Variants in PIK3CB observed in about 807,000 individuals in gnomAD.
The protein encoded by PIK3CB is phosphatidylinositol-4,5-bisphosphate 3-kinase catalytic subunit beta.
Under a neutral mutation model 136.8 loss-of-function variants are expected in PIK3CB, and 39 were observed. That is an observed-to-expected ratio of 0.29 (90% CI 0.22 to 0.37). The LOEUF (loss-of-function observed/expected upper bound fraction) is 0.37. Among genes scored for constraint, PIK3CB ranks in the 10% least tolerant of loss-of-function variants. PIK3CB has a pLI of 1.00. For missense variants in PIK3CB, 868 were observed against 1,275.4 expected (o/e 0.68, Z 4.87); for synonymous variants, 428 against 436.6 (o/e 0.98, Z 0.25).
intron 6 of PIK3CB, among the ~76,000 whole-genome samples, chr3:138,737,120 G>A (rs1424874859): frequency 1.9e-4 from 29 of 152,026 alleles, no homozygotes; most frequent in Admixed American, 1.8e-3. Flanking sequence ...CGGGCACAGT[G>A]GCTTATGGCT....
intron 1 of PIK3CB, among the ~76,000 whole-genome samples, chr3:138,800,399 ACTGCAGC>A (rs1175114836): frequency 6.6e-6 from 1 of 151,002 alleles, no homozygotes; most frequent in African/African-American, 2.4e-5. Flanking sequence ...ATCATGGCTC[ACTGCAGC>A]CTTGACCTCC....
intron 4 of PIK3CB, among the ~76,000 whole-genome samples, chr3:138,754,145 G>A (rs1248044650): frequency 1.3e-5 from 2 of 151,800 alleles, no homozygotes; most frequent in Non-Finnish European, 2.9e-5. Context: ...CTTTTATAAT[G>A]GACAAAAATT....
intron 2 of PIK3CB, among the ~76,000 whole-genome samples, chr3:138,762,015 GGTGGGTGGATCACCT>G (rs2045669747): frequency 6.6e-6 from 1 of 151,572 alleles, no homozygotes. Context: ...GGGAGGCCGA[GGTGGGTGGATCACCT>G]GAGGTCAGGA....
intron 10 of PIK3CB, among the ~76,000 whole-genome samples, chr3:138,710,316 C>T (rs1412736323): frequency 1.3e-5 from 2 of 152,094 alleles, no homozygotes; most frequent in Admixed American, 6.6e-5. Flanking sequence ...CACACACACA[C>T]ACTATTAGAT....
At chr3:138,830,947 AT>A (rs1934004260) in intron 1 of PIK3CB, among the ~76,000 whole-genome samples, 3 of 145,782 alleles carry the variant, frequency 2.1e-5, no homozygotes, top group Non-Finnish European at 4.5e-5. Flanking sequence ...AATAATAATA[AT>A]AATAAAGCAG....
At chr3:138,784,509 C>T (rs1269776274) in intron 2 of PIK3CB, among the ~76,000 whole-genome samples, 5 of 152,156 alleles carry the variant, frequency 3.3e-5, no homozygotes, top group Non-Finnish European at 7.4e-5. Context: ...ACCACCATCT[C>T]GGCTCACTGC....
At chr3:138,711,226 A>AG (rs1491282155) in intron 10 of PIK3CB, among the ~76,000 whole-genome samples, 2 of 28,574 alleles carry the variant, frequency 7.0e-5, no homozygotes, top group Non-Finnish European at 6.7e-5. Context: ...AAAAAAAAAG[A>AG]AAAAAAAAAC....
At chr3:138,725,094 AGCCCAGACTTCACTTCTATGCAATATAT>A (rs1454516435) in intron 8 of PIK3CB, among the ~76,000 whole-genome samples, 16 of 152,274 alleles carry the variant, frequency 1.1e-4, no homozygotes, top group Non-Finnish European at 2.2e-4. Context: ...ATACACTAAA[AGCCCAGACTTCACTTCTATGCAATATAT>A]GCCCAGACTT....
intron 1 of PIK3CB, among the ~76,000 whole-genome samples, chr3:138,821,375 C>T (rs1228714600): frequency 1.3e-5 from 2 of 151,866 alleles, no homozygotes; most frequent in Admixed American, 6.6e-5. Flanking sequence ...GAGGCTGCGG[C>T]GGGTGGCTCA....
At chr3:138,658,800 A>G (rs1412837209) in intron 21 of PIK3CB, among the ~76,000 whole-genome samples, 3 of 152,194 alleles carry the variant, frequency 2.0e-5, no homozygotes, top group African/African-American at 7.2e-5. Context: ...CATTTAGCTT[A>G]GTGTTCTATG....
intron 2 of PIK3CB, among the ~76,000 whole-genome samples, chr3:138,789,273 C>T (rs907749438): frequency 1.3e-4 from 20 of 152,020 alleles, no homozygotes; most frequent in Non-Finnish European, 2.1e-4. Flanking sequence ...GCCTGGGCAA[C>T]GTGGCGAAAC....
At chr3:138,817,283 G>A (rs1933379614) in intron 1 of PIK3CB, among the ~76,000 whole-genome samples, 1 of 152,004 alleles carries the variant, frequency 6.6e-6, no homozygotes. Flanking sequence ...AGCCTGCAGT[G>A]AGCCGAGATC....
rs764217455 is a variant in PIK3CB, at chr3:138,755,885, T to A, written c.266A>T (p.Tyr89Phe). ...MFACVNQTAV[Y>F]EELEDETRRL... is the part of the protein sequence containing the mutation. ...TCGTGTTTCATCTTCAAGCTCCTCA[T>A]ATACAGCAGTCTGATTCACACATGC... The change falls in exon 4 of 24, where the codon TAT becomes TTT. Residue 89 changes from tyrosine to phenylalanine, a missense_variant. Physicochemically the swap from Tyr to Phe is conservative, Grantham distance 22. This residue lies in a region of PIK3CB where 612 missense variants were observed against 801.1 expected (regional missense o/e 0.76). Transcript: ENST00000674063. The A allele has an allele frequency of 4.3e-6, 7 of 1,611,574 alleles. 1 individual carries two copies. In the South Asian group the frequency reaches 7.7e-5, roughly 18 times the overall value.
Position 138,688,857 on chromosome 3 carries a change from A to C in PIK3CB, c.2136+18T>G, listed in dbSNP as rs1559815791. On this transcript the variant is annotated intron_variant, in intron 16 of 23. Transcript: ENST00000674063. ...CTGTCAAAAAAAGAAAAAATGAATA[A>C]ATAAAACAAGCTGATACCTGCTTAG... is the stretch of plus-strand genomic sequence containing the variant. 1 of 1,535,276 alleles carries C rather than the reference A, an allele frequency of 6.5e-7. No individual in the cohort carries two copies.
intron 2 of PIK3CB, among the ~76,000 whole-genome samples, chr3:138,773,032 C>CCTG (rs1371435807): frequency 6.6e-6 from 1 of 151,880 alleles, no homozygotes; most frequent in Non-Finnish European, 1.5e-5. Context: ...AAGAGATCCA[C>CCTG]CTGCCTTGGC....
chr3:138,660,432 G>A (rs1007511742), intron 21 of PIK3CB, among the ~76,000 whole-genome samples: 1 of 152,028 alleles, frequency 6.6e-6, no homozygotes, highest in African/African-American at 2.4e-5. Context: ...TCTGTTTACT[G>A]CAGTTACCCT....
At chr3:138,771,115 C>T (rs1022200172) in intron 2 of PIK3CB, among the ~76,000 whole-genome samples, 3 of 152,090 alleles carry the variant, frequency 2.0e-5, no homozygotes, top group Non-Finnish European at 4.4e-5. Context: ...TCCCTACCCC[C>T]GACGTTGCTC....
In PIK3CB at chr3:138,663,944, T is replaced by G; in HGVS notation, c.2758A>C (p.Arg920=). The G allele has an allele frequency of 1.2e-6, 2 of 1,614,090 alleles. No individual in the cohort carries two copies. Among genetic ancestry groups the G allele is most frequent in the Non-Finnish European group, 1.7e-6 (2 of 1,179,984 alleles). Reference sequence around the variant, plus strand: ...TTGACCATGATGTTGTCACTATGTCTGTCACCAATCCCAAGGACATAAGAA... The same window carrying G: ...TTGACCATGATGTTGTCACTATGTCGGTCACCAATCCCAAGGACATAAGAA... ...VASYVLGIGD[R]HSDNIMVKKT... is the part of the protein sequence containing the mutation. The change falls in exon 21 of 24, where the codon AGA becomes CGA. Residue 920 remains arginine (R), a synonymous_variant. Coordinates refer to ENST00000674063, the MANE Select transcript of PIK3CB (RefSeq NM_006219.3).
intron 2 of PIK3CB, among the ~76,000 whole-genome samples, chr3:138,759,727 A>G (rs1157738954): frequency 6.6e-6 from 1 of 152,168 alleles, no homozygotes; most frequent in African/African-American, 2.4e-5. Context: ...AATAAACTGC[A>G]TGCTTAAGGA....
Sources: gnomAD v4.1 joint callset for allele counts (sites outside exome capture counted in the v4.1 genomes callset) on GRCh38, gnomAD v4.1.1 for gene constraint, gnomAD v4.1.1 regional missense constraint, MANE v1.5 for transcripts, NCBI Gene and HGNC (gene_info 2026-07-23, HGNC 2026-07-21) for gene names.